The following SNX29 variants were observed in gnomAD, a reference collection of about 807,000 sequenced individuals.
The protein encoded by SNX29 is sorting nexin-29.
SNX29 carries 78 observed loss-of-function variants against 102.1 expected under a neutral mutation model. That is an observed-to-expected ratio of 0.76 (90% CI 0.64 to 0.92). The LOEUF is 0.92. SNX29 is among the 40% of genes least tolerant of loss of function. The probability of loss-of-function intolerance (pLI) is 0.00; values close to 1 mark genes in which losing one functional copy is unlikely to be tolerated. For missense variants in SNX29, 1,280 were observed against 1,061.7 expected (o/e 1.21, Z -2.86); for synonymous variants, 580 against 414.5 (o/e 1.40, Z -4.85).
At chr16:12,257,520 T>TC (rs58635011) in intron 14 of SNX29, among the ~76,000 whole-genome samples, 18 of 150,664 alleles carry the variant, frequency 1.2e-4, no homozygotes, top group African/African-American at 4.4e-4. Flanking sequence ...TCTCTCTCTC[T>TC]TTAAGAGAGA....
At chr16:12,358,065 C>G (rs1567474666) in intron 16 of SNX29, among the ~76,000 whole-genome samples, 1 of 152,180 alleles carries the variant, frequency 6.6e-6, no homozygotes, top group Admixed American at 6.6e-5. Context: ...CTTATCACTT[C>G]CTGGGTCCAT....
At chr16:12,047,848 G>T (rs1347464721) in intron 6 of SNX29, among the ~76,000 whole-genome samples, 1 of 151,814 alleles carries the variant, frequency 6.6e-6, no homozygotes, top group Non-Finnish European at 1.5e-5. Flanking sequence ...GTAGATATGG[G>T]GTTTCTCCAT....
chr16:12,447,668 G>A (rs1277975053), intron 18 of SNX29, among the ~76,000 whole-genome samples: 1 of 152,234 alleles, frequency 6.6e-6, no homozygotes, highest in Admixed American at 6.5e-5. Flanking sequence ...GGAGCCTTTT[G>A]AAAATTCCCT....
intron 13 of SNX29, among the ~76,000 whole-genome samples, chr16:12,154,827 T>C (rs2055468212): frequency 6.6e-6 from 1 of 152,192 alleles, no homozygotes; most frequent in Non-Finnish European, 1.5e-5. Flanking sequence ...GAGGCTGCTC[T>C]CTGGGGCCTC....
At chr16:12,238,505 G>T (rs888235690) in intron 14 of SNX29, among the ~76,000 whole-genome samples, 2 of 152,016 alleles carry the variant, frequency 1.3e-5, no homozygotes, top group Non-Finnish European at 2.9e-5. Context: ...TTGTATTTTT[G>T]TAGAGATGGG....
At chr16:12,081,636 GC>G (rs5815666) in intron 11 of SNX29, 28,552 of 134,268 alleles carry the variant, frequency 0.21, 3,114 homozygotes, top group African/African-American at 0.31. Flanking sequence ...TGGCGACACT[GC>G]ACTCCAGCCT....
At chr16:12,428,478 TAGAA>T (rs972234536) in intron 18 of SNX29, among the ~76,000 whole-genome samples, 20 of 152,314 alleles carry the variant, frequency 1.3e-4, no homozygotes, top group Non-Finnish European at 1.3e-4. Flanking sequence ...AAAATAAAGT[TAGAA>T]AGAAGGAAAA....
chr16:12,065,806 T>G (rs2051008038), intron 9 of SNX29, among the ~76,000 whole-genome samples: 1 of 152,174 alleles, frequency 6.6e-6, no homozygotes, highest in South Asian at 2.1e-4. Context: ...TGCAGGCCTG[T>G]ATGCTAAAGT....
At chr16:12,531,264 G>A (rs1344342813) in intron 20 of SNX29, among the ~76,000 whole-genome samples, 2 of 152,352 alleles carry the variant, frequency 1.3e-5, no homozygotes, top group South Asian at 2.1e-4. Flanking sequence ...TATGGTCAGG[G>A]CGCACTGGGA....
chr16:11,998,694 A>T (rs940553414), intron 1 of SNX29, among the ~76,000 whole-genome samples: 2 of 152,196 alleles, frequency 1.3e-5, no homozygotes, highest in Admixed American at 1.3e-4. Flanking sequence ...TCAGAAATGA[A>T]TGACTTTCCC....
chr16:12,249,418 T>TCACATTTGCGAATACTC (rs1232211665), intron 14 of SNX29, among the ~76,000 whole-genome samples: 1 of 152,178 alleles, frequency 6.6e-6, no homozygotes, highest in Non-Finnish European at 1.5e-5. Context: ...TCTGCTAGGC[T>TCACATTTGCGAATACTC]CACATTTGCG....
rs72784699 is a variant in SNX29, at chr16:12,203,647, G to A, written c.1678+3964G>A. On this transcript the variant is annotated intron_variant, in intron 14 of 20. Coordinates refer to ENST00000566228, the MANE Select transcript of SNX29 (RefSeq NM_032167.5). ...TCAGTGGCTGCATGTTCAGCTGGGA[G>A]GCTGGCCACTCTGATGTTTCCACAA... Among the ~76,000 whole-genome samples the A allele has an allele frequency of 4.1e-3, 628 of 152,302 alleles. 3 individuals are homozygous for A. The highest frequency in any genetic ancestry group is 6.9e-3 in the Non-Finnish European group (467 of 68,020).
At chr16:12,482,215 A>C (rs1007017811) in intron 19 of SNX29, among the ~76,000 whole-genome samples, 1 of 152,198 alleles carries the variant, frequency 6.6e-6, no homozygotes, top group Non-Finnish European at 1.5e-5. Context: ...CCATTGTGGC[A>C]CACGTCTAGA....
intron 1 of SNX29, among the ~76,000 whole-genome samples, chr16:11,996,025 A>C (rs1276104348): frequency 6.7e-6 from 1 of 149,050 alleles, no homozygotes; most frequent in Non-Finnish European, 1.5e-5. Context: ...GGGCCACTGC[A>C]CTCCAGCCTG....
At chr16:12,534,200 C>A (rs962110692) in intron 20 of SNX29, among the ~76,000 whole-genome samples, 1 of 152,202 alleles carries the variant, frequency 6.6e-6, no homozygotes, top group East Asian at 1.9e-4. Flanking sequence ...AGTGTGGGCT[C>A]CATGAGAAAG....
chr16:12,225,665 A>G (rs1441419898), intron 14 of SNX29, among the ~76,000 whole-genome samples: 1 of 152,210 alleles, frequency 6.6e-6, no homozygotes, highest in Admixed American at 6.5e-5. Context: ...AGGTCAGCCC[A>G]GGTACAAGTT....
rs372270703 is a variant in SNX29, at chr16:12,568,761, C to G, written c.*132C>G. On this transcript the variant is annotated 3_prime_UTR_variant, in exon 21 of 21. Transcript: ENST00000566228. ...GATCCTGAGAGCACACGATTCCCAA[C>G]AGTTACACAACACCCCGATTAAACT... 1 of 1,341,420 alleles carries G rather than the reference C, an allele frequency of 7.5e-7. No homozygotes were observed. The highest frequency in any genetic ancestry group is 1.5e-5 in the South Asian group (1 of 68,962). 83.1% of individuals were successfully genotyped at this position (1,341,420 alleles called of 1,614,324 possible).
In SNX29 at chr16:12,570,674, C is replaced by G. The variant is rs574465726; in HGVS notation, c.*2045C>G. The G allele has an allele frequency of 4.3e-6, 1 of 231,898 alleles. No individual in the cohort carries two copies. The highest frequency in any genetic ancestry group is 8.5e-6 in the Non-Finnish European group (1 of 117,320). The allele number at this position is 231,898 out of a possible 1,614,324, so 14.4% of individuals were successfully genotyped here. The stretch of plus-strand genomic sequence containing the variant: ...CATTCCCTTGGGCCCAGGCTTATGA[C>G]CTGCACCTTTTCTGACACCTGCCCC... On this transcript the variant is annotated 3_prime_UTR_variant, in exon 21 of 21. Coordinates refer to ENST00000566228, the MANE Select transcript of SNX29 (RefSeq NM_032167.5).
At chr16:12,254,277 A>G (rs2078504747) in intron 14 of SNX29, among the ~76,000 whole-genome samples, 1 of 152,090 alleles carries the variant, frequency 6.6e-6, no homozygotes, top group Non-Finnish European at 1.5e-5. Flanking sequence ...TTTCTGAGAG[A>G]GTGAGTGTAG....
Sources: gnomAD v4.1 joint callset for allele counts (sites outside exome capture counted in the v4.1 genomes callset) on GRCh38, gnomAD v4.1.1 for gene constraint, MANE v1.5 for transcripts, NCBI Gene and HGNC (gene_info 2026-07-23, HGNC 2026-07-21) for gene names.